PRKD1: variants seen among roughly 807,000 people sequenced by gnomAD.
PRKD1 encodes serine/threonine-protein kinase D1.
Under a neutral mutation model 95.9 loss-of-function variants are expected in PRKD1, and 63 were observed. That is an observed-to-expected ratio of 0.66 (90% confidence interval 0.54 to 0.81). The LOEUF is 0.81. Among genes scored for constraint, PRKD1 ranks in the 30% least tolerant of loss-of-function variants. The pLI is 0.00. For synonymous variants in PRKD1, 425 were observed against 423.1 expected, an observed-to-expected ratio of 1.00 and a Z score of -0.05; for missense variants, 1,048 against 1,165.3, an observed-to-expected ratio of 0.90 and a Z score of 1.47.
rs45626437 is a variant in PRKD1 at position 29,583,164 on chromosome 14, C to T, written c.2435-4804G>A. Among the ~76,000 whole-genome samples, 558 of 152,206 alleles carry T rather than the reference C, an allele frequency of 3.7e-3. 4 individuals carry two copies. Among genetic ancestry groups the T allele is most frequent in the African/African-American group, 0.01 (425 of 41,520 alleles). ...AAGAATGCCTCAGACATTCTTGGTA[C>T]CCTGTACCTCCTTCTATAAAAACAG... On this transcript the variant is annotated intron_variant, in intron 16 of 17. Coordinates refer to ENST00000331968, the MANE Select transcript of PRKD1 (RefSeq NM_002742.3).
rs74042676 is a variant in PRKD1, at chr14:29,700,451, A to C, written c.403+25085T>G. On this transcript the variant is annotated intron_variant, in intron 2 of 17. Coordinates refer to ENST00000331968, the MANE Select transcript of PRKD1 (RefSeq NM_002742.3). ...TTAAAATGCTGCTGACACGTAGAAG[A>C]AGCCTAATCACTTCTGCTCCTTGTT... Among the ~76,000 whole-genome samples the C allele has an allele frequency of 2.7e-3, 407 of 152,298 alleles. 2 individuals are homozygous for C. The highest frequency in any genetic ancestry group is 9.5e-3 in the African/African-American group (394 of 41,574).
intron 2 of PRKD1, among the ~76,000 whole-genome samples, chr14:29,673,809 A>G (rs1287340227): frequency 6.6e-6 from 1 of 152,204 alleles, no homozygotes; most frequent in Non-Finnish European, 1.5e-5. Context: ...AGTGCTTTCC[A>G]GAGATGTTTT....
intron 1 of PRKD1, among the ~76,000 whole-genome samples, chr14:29,742,111 A>G (rs1160045600): frequency 6.6e-5 from 10 of 152,208 alleles, no homozygotes; most frequent in Non-Finnish European, 1.5e-4. Context: ...TCTGATTTAA[A>G]GGATCAAAAT....
At chr14:29,611,056 T>C (rs1285255574) in intron 13 of PRKD1, among the ~76,000 whole-genome samples, 1 of 152,236 alleles carries the variant, frequency 6.6e-6, no homozygotes, top group Non-Finnish European at 1.5e-5. Flanking sequence ...CTCTGTATGA[T>C]ACTATATGAT....
At chr14:29,887,888 A>C (rs2139407214) in intron 1 of PRKD1, among the ~76,000 whole-genome samples, 1 of 152,322 alleles carries the variant, frequency 6.6e-6, no homozygotes, top group East Asian at 1.9e-4. Flanking sequence ...CACAACAAAA[A>C]ACTGCCTAAC....
At position 29,644,588 on chromosome 14, in the gene PRKD1, G is replaced by GA. The variant is rs376892898; in HGVS notation, c.697-5685dup. 3.6e-3 allele frequency among the ~76,000 whole-genome samples: 516 copies of GA among 144,478 alleles called. 2 individuals are homozygous for GA. Among genetic ancestry groups the GA allele is most frequent in the African/African-American group, 8.0e-3 (320 of 40,134 alleles). 94.8% of individuals were successfully genotyped at this position (144,478 alleles called of 152,430 possible). A position where few individuals can be genotyped will look rare whatever the true frequency, so the allele number is the denominator to read the frequency against. ...TAACTTGATCTAGATGTCAGCAACT[G>GA]AAAAAAAAAAAATTTAAAAACTTTG... On this transcript the variant is annotated intron_variant, in intron 4 of 17. Transcript: ENST00000331968.
Position 29,577,151 on chromosome 14 carries a change from A to C in PRKD1, c.*87T>G. On this transcript the variant is annotated 3_prime_UTR_variant, in exon 18 of 18. Coordinates refer to ENST00000331968, the MANE Select transcript of PRKD1 (RefSeq NM_002742.3). ...GCTTTGTTCTCATCTGACAGAAAATAATGGCAGTTCTGCAAGGCAAATGTT... is the reference window on the plus strand; with the variant it reads ...GCTTTGTTCTCATCTGACAGAAAATCATGGCAGTTCTGCAAGGCAAATGTT... 7.4e-7 allele frequency: 1 copy of C among 1,347,856 alleles called. No individual in the cohort carries two copies. The highest frequency in any genetic ancestry group is 1.8e-5 in the Admixed American group (1 of 54,656). 83.5% of individuals were successfully genotyped at this position (1,347,856 alleles called of 1,614,324 possible).
chr14:29,621,307 C>T (rs534738387), intron 13 of PRKD1, among the ~76,000 whole-genome samples: 1 of 151,910 alleles, frequency 6.6e-6, no homozygotes, highest in African/African-American at 2.4e-5. Flanking sequence ...CTAACCTGCA[C>T]ATTATGCACG....
intron 1 of PRKD1, among the ~76,000 whole-genome samples, chr14:29,882,762 A>T (rs1033777369): frequency 5.9e-5 from 9 of 152,112 alleles, no homozygotes; most frequent in Non-Finnish European, 1.2e-4. Context: ...TTTTTTTGTG[A>T]CTGGTTTCTT....
intron 1 of PRKD1, among the ~76,000 whole-genome samples, chr14:29,740,642 A>T (rs1166624755): frequency 6.6e-6 from 1 of 152,192 alleles, no homozygotes; most frequent in Non-Finnish European, 1.5e-5. Context: ...CCCTGGACCC[A>T]GGCTTTTGGA....
chr14:29,726,684 G>A (rs1886161177), intron 1 of PRKD1, among the ~76,000 whole-genome samples: 1 of 151,710 alleles, frequency 6.6e-6, no homozygotes, highest in South Asian at 2.1e-4. Context: ...ATCATTTTGT[G>A]TATGAACTAA....
chr14:29,614,761 C>T (rs888134331), intron 13 of PRKD1, among the ~76,000 whole-genome samples: 73 of 151,388 alleles, frequency 4.8e-4, no homozygotes, highest in African/African-American at 1.6e-3. Flanking sequence ...TCAACTGGCA[C>T]GATCTCGGCT....
intron 2 of PRKD1, among the ~76,000 whole-genome samples, chr14:29,702,281 G>T (rs895938390): frequency 2.0e-5 from 3 of 152,018 alleles, no homozygotes; most frequent in Admixed American, 6.6e-5. Context: ...AAACTGTGTA[G>T]AAAACAGTTA....
At chr14:29,647,190 T>A (rs1320509682) in intron 4 of PRKD1, among the ~76,000 whole-genome samples, 1 of 152,156 alleles carries the variant, frequency 6.6e-6, no homozygotes, top group Non-Finnish European at 1.5e-5. Flanking sequence ...TTCAAAGTAA[T>A]AACATATATA....
At chr14:29,664,357 A>G (rs1882361327) in intron 3 of PRKD1, among the ~76,000 whole-genome samples, 1 of 152,198 alleles carries the variant, frequency 6.6e-6, no homozygotes, top group Non-Finnish European at 1.5e-5. Flanking sequence ...TAGAATTACT[A>G]AGAAGATATA....
chr14:29,925,344 C>T (rs1594632291), intron 1 of PRKD1, among the ~76,000 whole-genome samples: 1 of 152,346 alleles, frequency 6.6e-6, no homozygotes, highest in Non-Finnish European at 1.5e-5. Context: ...ATCCATCTTT[C>T]AGATGTCCTT....
At chr14:29,913,149 A>G (rs995362689) in intron 1 of PRKD1, among the ~76,000 whole-genome samples, 3 of 152,236 alleles carry the variant, frequency 2.0e-5, no homozygotes, top group African/African-American at 7.2e-5. Context: ...TTCAAAGTGG[A>G]TAACATTCTA....
At chr14:29,906,222 C>A (rs45600434) in intron 1 of PRKD1, among the ~76,000 whole-genome samples, 8,048 of 151,830 alleles carry the variant, frequency 0.053, 245 homozygotes, top group South Asian at 0.093. Flanking sequence ...TTAAAGTAAG[C>A]GTTAAGTTTA....
At chr14:29,621,282 T>A (rs1297965321) in intron 13 of PRKD1, among the ~76,000 whole-genome samples, 1 of 151,816 alleles carries the variant, frequency 6.6e-6, no homozygotes. Context: ...GCATGGCACA[T>A]GTATACATAT....
Sources: allele counts gnomAD v4.1 joint callset (sites outside exome capture counted in the v4.1 genomes callset), GRCh38; gene constraint gnomAD v4.1.1; transcripts MANE v1.5; gene names NCBI Gene and HGNC (gene_info 2026-07-23, HGNC 2026-07-21).